NMU: variants seen among roughly 807,000 people sequenced by gnomAD.
NMU encodes neuromedin U.
A neutral mutation model predicts 35.4 loss-of-function variants in NMU; 29 were observed. That is an observed-to-expected ratio of 0.82 (90% CI 0.61 to 1.12). The LOEUF (loss-of-function observed/expected upper bound fraction) is 1.12, where lower values mean the gene tolerates loss of function less well. NMU is among the 50% of genes most tolerant of loss of function. The probability of loss-of-function intolerance (pLI) is 0.00; values close to 1 mark genes in which losing one functional copy is unlikely to be tolerated. For missense variants in NMU, 199 were observed against 206.2 expected, an observed-to-expected ratio of 0.97 and a Z score of 0.21; for synonymous variants, 78 against 81.3, an observed-to-expected ratio of 0.96 and a Z score of 0.22.
chr4:55,598,089 G>GTTTTTTTTTTTTTTTTTTTTTTTTTTGGT (rs10588154), intron 9 of NMU, among the ~76,000 whole-genome samples: 1 of 85,394 alleles, frequency 1.2e-5, no homozygotes, highest in Admixed American at 1.5e-4. Context: ...TTTGGTTGTG[G>GTTTTTTTTTTTTTTTTTTTTTTTTTTGGT]TTTTTTTTTT....
At chr4:55,605,462 C>G (rs1023925791) in intron 6 of NMU, 113 bp from the exon 7 acceptor site, 1 of 808,514 alleles carries the variant, frequency 1.2e-6, no homozygotes, top group Admixed American at 1.8e-5. Flanking sequence ...CCAGACAAAA[C>G]AGAAAATTAA....
At chr4:55,629,353 G>T (rs564516639) in intron 2 of NMU, among the ~76,000 whole-genome samples, 1 of 151,800 alleles carries the variant, frequency 6.6e-6, no homozygotes, top group Non-Finnish European at 1.5e-5. Flanking sequence ...GGGTGCGGTG[G>T]CTCCTGCCTG....
At chr4:55,634,204 C>T (rs968835742) in intron 1 of NMU, among the ~76,000 whole-genome samples, 4 of 151,788 alleles carry the variant, frequency 2.6e-5, no homozygotes, top group Admixed American at 1.3e-4. Context: ...ACGCCCCCCT[C>T]GGTGCCATCT....
intron 2 of NMU, among the ~76,000 whole-genome samples, chr4:55,616,909 G>A (rs1409527315): frequency 1.3e-5 from 2 of 152,014 alleles, no homozygotes; most frequent in African/African-American, 4.8e-5. Flanking sequence ...TTATAATGAG[G>A]GTTTATTGAG....
chr4:55,630,289 T>C, intron 2 of NMU, 113 bp downstream of exon 2: 2 of 859,674 alleles, frequency 2.3e-6, no homozygotes, highest in Non-Finnish European at 3.8e-6. Flanking sequence ...TGGGTTTTAT[T>C]ATTAGAGTGT....
chr4:55,595,734 G>A (rs140220080), intron 9 of NMU, among the ~76,000 whole-genome samples: 7,372 of 149,202 alleles, frequency 0.049, 227 homozygotes, highest in Non-Finnish European at 0.075. Context: ...TCCACCTCCC[G>A]GGATCAAGCA....
intron 2 of NMU, among the ~76,000 whole-genome samples, chr4:55,619,408 G>T (rs1186270692): frequency 1.7e-5 from 2 of 120,644 alleles, no homozygotes; most frequent in African/African-American, 6.3e-5. Flanking sequence ...GGTGACGGAC[G>T]CACCTGGAAA....
At chr4:55,595,452 C>T (rs371850151) in intron 9 of NMU, 41 bp from the exon 10 acceptor site, 18 of 150,062 alleles carry the variant, frequency 1.2e-4, no homozygotes, top group African/African-American at 4.2e-4. Flanking sequence ...TAAATGACCA[C>T]GTGAATGTGT....
chr4:55,617,506 GACAC>G (rs147079985), intron 2 of NMU, among the ~76,000 whole-genome samples: 1 of 149,818 alleles, frequency 6.7e-6, no homozygotes, highest in East Asian at 1.9e-4. Flanking sequence ...TGAAATCATG[GACAC>G]ACACACACAC....
chr4:55,614,213 T>A (rs1383992605), intron 3 of NMU, among the ~76,000 whole-genome samples: 1 of 152,244 alleles, frequency 6.6e-6, no homozygotes, highest in Non-Finnish European at 1.5e-5. Context: ...CTCCTGTTTC[T>A]GTCCTATCCA....
intron 2 of NMU, 109 bp from the exon 3 acceptor site, chr4:55,616,494 T>C: frequency 1.3e-5 from 11 of 848,692 alleles, no homozygotes; most frequent in South Asian, 1.3e-4. Flanking sequence ...AGTTCCATGA[T>C]AGTTTAGGAC....
Position 55,630,395 on chromosome 4 carries a change from TC to T in NMU, c.171+6del. 1.2e-6 allele frequency: 2 copies of T among 1,603,110 alleles called. No homozygotes were observed. The highest frequency in any genetic ancestry group is 3.3e-5 in the Admixed American group (2 of 59,994). On this transcript the variant is annotated splice_donor_region_variant and intron_variant, in intron 2 of 9. Transcript: ENST00000264218. ...TTCTACAAATTTGTGTGATGATAGTTCCTTACCTCATTCCACAACTGTAGCT... is the reference window on the plus strand; with the variant it reads ...TTCTACAAATTTGTGTGATGATAGTTCTTACCTCATTCCACAACTGTAGCT...
At chr4:55,606,222 T>C (rs1430341689) in intron 6 of NMU, among the ~76,000 whole-genome samples, 1 of 152,254 alleles carries the variant, frequency 6.6e-6, no homozygotes. Flanking sequence ...TACACTATGC[T>C]CCTCATTCCC....
chr4:55,611,519 C>T (rs1472547968), intron 3 of NMU, among the ~76,000 whole-genome samples: 1 of 152,136 alleles, frequency 6.6e-6, no homozygotes, highest in African/African-American at 2.4e-5. Flanking sequence ...ATGTCCTAGG[C>T]CTTCACATTC....
intron 8 of NMU, among the ~76,000 whole-genome samples, 165 bp downstream of exon 8, chr4:55,600,357 T>C (rs1733374000): frequency 1.3e-5 from 2 of 152,136 alleles, no homozygotes; most frequent in Admixed American, 6.5e-5. Flanking sequence ...TACTGTGGTA[T>C]TGAAGCAATA....
At chr4:55,595,673 C>T (rs1164756451) in intron 9 of NMU, among the ~76,000 whole-genome samples, 5 of 135,234 alleles carry the variant, frequency 3.7e-5, no homozygotes, top group Non-Finnish European at 7.7e-5. Flanking sequence ...CAGAGTCTTG[C>T]TCTGTTGCCC....
intron 1 of NMU, among the ~76,000 whole-genome samples, chr4:55,632,118 A>G (rs1360884150): frequency 6.6e-6 from 1 of 152,142 alleles, no homozygotes; most frequent in Non-Finnish European, 1.5e-5. Context: ...GAGGACACAA[A>G]ACATAGAGTA....
chr4:55,602,855 C>A (rs10000512), intron 7 of NMU, among the ~76,000 whole-genome samples: 26,032 of 151,880 alleles, frequency 0.17, 2,403 homozygotes, highest in South Asian at 0.24. Context: ...GAAATACTGG[C>A]CATAAAAATA....
chr4:55,595,929 C>T (rs575083288), intron 9 of NMU, among the ~76,000 whole-genome samples: 8 of 151,930 alleles, frequency 5.3e-5, no homozygotes, highest in South Asian at 2.1e-4. Flanking sequence ...GGTGAGTCAC[C>T]GTACCCGACC....
Sources: allele counts gnomAD v4.1 joint callset (sites outside exome capture counted in the v4.1 genomes callset), GRCh38; gene constraint gnomAD v4.1.1; transcripts MANE v1.5; gene names NCBI Gene and HGNC (gene_info 2026-07-23, HGNC 2026-07-21).